Variants in CNBD1 observed in about 807,000 individuals in gnomAD.
The protein encoded by CNBD1 is cyclic nucleotide-binding domain-containing protein 1.
In CNBD1, 71 loss-of-function variants were observed where a neutral mutation model predicts 54.4. That is an observed-to-expected ratio of 1.30 (90% CI 1.08 to 1.59). The LOEUF is 1.59. CNBD1 is among the 40% of genes most tolerant of loss of function. The pLI, the probability that CNBD1 is intolerant of heterozygous loss-of-function variation, is 0.00. For missense variants in CNBD1, 659 were observed against 518.0 expected (o/e 1.27, Z -2.64); for synonymous variants, 182 against 170.7 (o/e 1.07, Z -0.51).
intron 4 of CNBD1, among the ~76,000 whole-genome samples, chr8:86,995,643 G>A (rs1563851864): frequency 6.6e-6 from 1 of 152,004 alleles, no homozygotes; most frequent in Non-Finnish European, 1.5e-5. Flanking sequence ...ATTATTGCTG[G>A]GGTAGCAAAA....
chr8:87,024,493 A>G (rs1361652742), intron 4 of CNBD1, among the ~76,000 whole-genome samples: 1 of 151,464 alleles, frequency 6.6e-6, no homozygotes, highest in Non-Finnish European at 1.5e-5. Flanking sequence ...GATGTGTGCC[A>G]CCATGCCTGG....
intron 10 of CNBD1, among the ~76,000 whole-genome samples, chr8:87,371,441 C>T (rs1810792941): frequency 6.6e-6 from 1 of 151,972 alleles, no homozygotes; most frequent in Non-Finnish European, 1.5e-5. Context: ...AGAGGTCCTT[C>T]ACGTCCCTTG....
intron 4 of CNBD1, among the ~76,000 whole-genome samples, chr8:87,105,739 A>G (rs1811521648): frequency 6.6e-6 from 1 of 151,706 alleles, no homozygotes. Context: ...TGGATCTTGG[A>G]CATTATAGAT....
intron 4 of CNBD1, among the ~76,000 whole-genome samples, chr8:87,170,496 C>T (rs1001977954): frequency 4.3e-5 from 6 of 138,616 alleles, no homozygotes; most frequent in Admixed American, 1.4e-4. Context: ...TGTTATGTTC[C>T]CAATCTTGGA....
At chr8:87,382,540 G>C (rs1191750971) in intron 10 of CNBD1, 80 bp from the exon 11 acceptor site, 1 of 1,088,640 alleles carries the variant, frequency 9.2e-7, no homozygotes, top group Admixed American at 2.2e-5. Context: ...GTAATTTTAG[G>C]GTTCTATTCT....
chr8:87,133,459 T>C (rs903901365), intron 4 of CNBD1, among the ~76,000 whole-genome samples: 2 of 152,326 alleles, frequency 1.3e-5, no homozygotes, highest in South Asian at 2.1e-4. Context: ...TAGCTATGTG[T>C]ATCAGTCAGT....
intron 4 of CNBD1, among the ~76,000 whole-genome samples, chr8:87,147,637 C>T (rs1812517276): frequency 6.6e-6 from 1 of 152,066 alleles, no homozygotes; most frequent in Admixed American, 6.6e-5. Context: ...GCTTCTAAAA[C>T]CTGCACATGA....
chr8:87,385,591 G>T (rs1203862296), downstream of CNBD1, among the ~76,000 whole-genome samples: 1 of 152,108 alleles, frequency 6.6e-6, no homozygotes, highest in Admixed American at 6.5e-5. Context: ...CCGTTGCCGA[G>T]GCTTGAGTAG....
At chr8:87,356,004 T>C (rs1421044746) in intron 10 of CNBD1, among the ~76,000 whole-genome samples, 1 of 151,944 alleles carries the variant, frequency 6.6e-6, no homozygotes, top group Admixed American at 6.6e-5. Flanking sequence ...GCTCCTTCTT[T>C]CACCATGTGA....
intron 5 of CNBD1, among the ~76,000 whole-genome samples, chr8:87,232,259 C>T (rs1306977512): frequency 1.3e-5 from 2 of 152,092 alleles, no homozygotes; most frequent in East Asian, 3.9e-4. Flanking sequence ...CCTTTTTGGA[C>T]ATCTACTTTC....
Position 87,166,158 on chromosome 8 carries a change from C to T in CNBD1, c.432-39835C>T, listed in dbSNP as rs57243156. 0.013 allele frequency among the ~76,000 whole-genome samples: 1,940 copies of T among 152,004 alleles called. 56 individuals are homozygous for T. The highest frequency in any genetic ancestry group is 0.044 in the African/African-American group (1,819 of 41,496). ...CTTAAACTGTTCTTTTTCCCTTCCT[C>T]TCTCTCAATAAATGAGACTAGGAAT... On this transcript the variant is annotated intron_variant, in intron 4 of 10. Coordinates refer to ENST00000518476, the MANE Select transcript of CNBD1 (RefSeq NM_173538.3). The surrounding 1 kb of genome is among the most constrained non-coding windows in gnomAD (Gnocchi z 4.3).
At chr8:87,254,281 A>T (rs565287108) in intron 6 of CNBD1, among the ~76,000 whole-genome samples, 17 of 152,294 alleles carry the variant, frequency 1.1e-4, no homozygotes, top group Non-Finnish European at 1.8e-4. Context: ...CTGAGAAAAA[A>T]ATTCCAGAGA....
intron 4 of CNBD1, among the ~76,000 whole-genome samples, chr8:87,120,581 C>A (rs1346091339): frequency 6.6e-6 from 1 of 151,554 alleles, no homozygotes; most frequent in Non-Finnish European, 1.5e-5. Context: ...TCTGTTATTT[C>A]TTTCCTTCTG....
At chr8:87,118,314 CAAAAAAAAAA>C (rs34800282) in intron 4 of CNBD1, among the ~76,000 whole-genome samples, 10 of 109,140 alleles carry the variant, frequency 9.2e-5, no homozygotes, top group Non-Finnish European at 9.0e-5. Flanking sequence ...GACTCTGTCT[CAAAAAAAAAA>C]AAAAAAAAAA....
chr8:86,923,418 C>T lies in CNBD1; in HGVS notation c.273-16178C>T, dbSNP rs1028559391. Among the ~76,000 whole-genome samples the T allele has an allele frequency of 2.0e-5, 3 of 152,224 alleles. No individual in the cohort carries two copies. The East Asian group carries it at 5.8e-4, about 29-fold the overall frequency. ...GTTGTAGGGAGAGTAGCCTTTGATC[C>T]TTGCTACTTGGGCATGGGGAGATAC... On this transcript the variant is annotated intron_variant, in intron 3 of 10. Transcript: ENST00000518476.
chr8:87,153,170 C>T (rs1479375962), intron 4 of CNBD1, among the ~76,000 whole-genome samples: 1 of 151,948 alleles, frequency 6.6e-6, no homozygotes, highest in Non-Finnish European at 1.5e-5. Flanking sequence ...CTATAGTTAC[C>T]CACCACAATA....
intron 6 of CNBD1, among the ~76,000 whole-genome samples, chr8:87,266,579 G>A (rs1401294724): frequency 1.4e-5 from 2 of 147,558 alleles, no homozygotes; most frequent in East Asian, 2.1e-4. Context: ...AGCCTCCCAA[G>A]TAGCTGGGAT....
chr8:87,344,234 TG>T (rs1158958842), intron 8 of CNBD1, among the ~76,000 whole-genome samples: 2 of 152,096 alleles, frequency 1.3e-5, no homozygotes, highest in African/African-American at 4.8e-5. Flanking sequence ...GAAGAAAATA[TG>T]GGTAAGCAAT....
At chr8:86,952,268 G>A (rs1410123354) in intron 4 of CNBD1, among the ~76,000 whole-genome samples, 1 of 152,136 alleles carries the variant, frequency 6.6e-6, no homozygotes, top group Non-Finnish European at 1.5e-5. Context: ...TGTGCCACAG[G>A]TGCATCCTTA....
Sources: allele counts gnomAD v4.1 joint callset (sites outside exome capture counted in the v4.1 genomes callset), GRCh38; gene constraint gnomAD v4.1.1; non-coding constraint Gnocchi (gnomAD v3.1); transcripts MANE v1.5; gene names NCBI Gene and HGNC (gene_info 2026-07-23, HGNC 2026-07-21).